PLPP1: variants seen among roughly 807,000 people sequenced by gnomAD.
PLPP1 encodes the protein lipid phosphate phosphohydrolase 1a.
Under a neutral mutation model 31.2 loss-of-function variants are expected in PLPP1, and 24 were observed. The observed-to-expected ratio is 0.77, with a 90% confidence interval of 0.56 to 1.08. The LOEUF is 1.08. PLPP1 is among the 50% of genes least tolerant of loss of function. The pLI is 0.00. For missense variants in PLPP1, 319 were observed against 342.7 expected (o/e 0.93, Z 0.55); for synonymous variants, 146 against 126.3 (o/e 1.16, Z -1.05).
At chr5:55,447,391 T>TC (rs111594290) in intron 3 of PLPP1, among the ~76,000 whole-genome samples, 4 of 152,308 alleles carry the variant, frequency 2.6e-5, no homozygotes, top group African/African-American at 9.6e-5. Context: ...ATTTCCTTTT[T>TC]CCCCTAAAAA....
Position 55,490,697 on chromosome 5 carries a change from A to C in PLPP1, c.59-15247T>G, listed in dbSNP as rs533194755. On this transcript the variant is annotated intron_variant, in intron 1 of 5. Transcript: ENST00000307259. ...TTTGTTTACTGAGAGGAGTTGATCCAAATGACTCAAAAAGACTCTCCTATT... is the reference window on the plus strand; with the variant it reads ...TTTGTTTACTGAGAGGAGTTGATCCCAATGACTCAAAAAGACTCTCCTATT... Among the ~76,000 whole-genome samples, 5 of 152,268 alleles carry C rather than the reference A, an allele frequency of 3.3e-5. No individual in the cohort carries two copies. In the East Asian group the frequency reaches 9.6e-4, roughly 29 times the overall value.
At chr5:55,506,750 T>C (rs1222038683) in intron 1 of PLPP1, among the ~76,000 whole-genome samples, 1 of 152,200 alleles carries the variant, frequency 6.6e-6, no homozygotes, top group Non-Finnish European at 1.5e-5. Context: ...TACATGTATA[T>C]TTGGATCTGA....
At chr5:55,443,177 T>TAAAAAAAAAAAAAAAAAA (rs1178247543) in intron 3 of PLPP1, among the ~76,000 whole-genome samples, 1 of 51,034 alleles carries the variant, frequency 2.0e-5, no homozygotes, top group Non-Finnish European at 3.5e-5. Flanking sequence ...AAGGATTACT[T>TAAAAAAAAAAAAAAAAAA]AAAAAAAAAA....
intron 3 of PLPP1, among the ~76,000 whole-genome samples, chr5:55,460,702 C>T (rs1489373069): frequency 6.6e-6 from 1 of 152,026 alleles, no homozygotes; most frequent in African/African-American, 2.4e-5. Flanking sequence ...AAAGATTATT[C>T]GAGCCTGAAG....
chr5:55,449,705 C>T (rs1430728135), intron 3 of PLPP1, among the ~76,000 whole-genome samples: 1 of 152,106 alleles, frequency 6.6e-6, no homozygotes, highest in African/African-American at 2.4e-5. Flanking sequence ...CAACATGAGG[C>T]ATTTTCTTCA....
intron 4 of PLPP1, among the ~76,000 whole-genome samples, chr5:55,438,101 A>C (rs559843374): frequency 2.6e-5 from 4 of 152,322 alleles, no homozygotes; most frequent in African/African-American, 9.6e-5. Context: ...TGATATAAAC[A>C]ATCTGGGGTT....
At chr5:55,477,774 G>T (rs1168306009) in intron 1 of PLPP1, among the ~76,000 whole-genome samples, 2 of 152,052 alleles carry the variant, frequency 1.3e-5, no homozygotes, top group Non-Finnish European at 2.9e-5. Context: ...TGAATTGGTT[G>T]CATTTTCCAA....
At chr5:55,530,580 C>G (rs12513672) in intron 1 of PLPP1, 1,110,492 of 1,317,456 alleles carry the variant, frequency 0.84, 471,500 homozygotes, top group Non-Finnish European at 0.87. Context: ...ATACTTCTTA[C>G]AAGATTTGCA....
chr5:55,527,834 T>C (rs1263754538), intron 1 of PLPP1, among the ~76,000 whole-genome samples: 2 of 91,016 alleles, frequency 2.2e-5, no homozygotes, highest in African/African-American at 3.3e-5. Context: ...TGAATACAAG[T>C]TGTGAACTAC....
At chr5:55,459,952 T>A (rs1008752863) in intron 3 of PLPP1, among the ~76,000 whole-genome samples, 29 of 152,192 alleles carry the variant, frequency 1.9e-4, no homozygotes, top group African/African-American at 6.8e-4. Context: ...ATTTTTGTCT[T>A]CATTATGGTT....
chr5:55,507,997 T>C (rs1753320464), intron 1 of PLPP1, among the ~76,000 whole-genome samples: 1 of 152,058 alleles, frequency 6.6e-6, no homozygotes, highest in Admixed American at 6.6e-5. Flanking sequence ...ACCTGAGATT[T>C]CAGGCATGTG....
intron 1 of PLPP1, among the ~76,000 whole-genome samples, chr5:55,529,813 ATAAAG>A (rs1310710284): frequency 6.6e-6 from 1 of 152,212 alleles, no homozygotes; most frequent in Non-Finnish European, 1.5e-5. Flanking sequence ...GTGTACAATA[ATAAAG>A]TAAATGGGAG....
intron 3 of PLPP1, among the ~76,000 whole-genome samples, chr5:55,444,404 T>C (rs763230218): frequency 1.3e-5 from 2 of 152,200 alleles, no homozygotes; most frequent in Middle Eastern, 3.4e-3. Flanking sequence ...GTTTTCATCA[T>C]AGTGACTTCA....
At chr5:55,457,047 C>T (rs919131637) in intron 3 of PLPP1, among the ~76,000 whole-genome samples, 3 of 151,884 alleles carry the variant, frequency 2.0e-5, no homozygotes, top group African/African-American at 7.3e-5. Context: ...GTAATCCTAG[C>T]TACTCTGCAG....
intron 1 of PLPP1, among the ~76,000 whole-genome samples, chr5:55,499,010 T>C (rs966453531): frequency 1.1e-4 from 17 of 152,184 alleles, no homozygotes; most frequent in African/African-American, 3.9e-4. Context: ...AGAAAAGAAG[T>C]TGAGGCCCCA....
At chr5:55,512,507 AAAAGAAAAG>A (rs1217775333) in intron 1 of PLPP1, among the ~76,000 whole-genome samples, 13 of 13,626 alleles carry the variant, frequency 9.5e-4, no homozygotes, top group African/African-American at 1.4e-3. Context: ...AAAAGAAAAG[AAAAGAAAAG>A]AAAGAAAGAA....
rs139907922 is a variant in PLPP1 at position 55,425,695 on chromosome 5, C to G, written c.726+168G>C. ...ACTACTAAGTTTTAGAAAGAGCAAC[C>G]TAGTTTTTAACCTGGTGTGTATCCT... is the stretch of plus-strand genomic sequence containing the variant. On this transcript the variant is annotated intron_variant, in intron 5 of 5. Coordinates refer to ENST00000307259, the MANE Select transcript of PLPP1 (RefSeq NM_003711.4). 525 of 564,838 alleles carry G rather than the reference C, an allele frequency of 9.3e-4. 3 individuals carry two copies. The highest frequency in any genetic ancestry group is 9.0e-3 in the African/African-American group (463 of 51,340). 35.0% of individuals were successfully genotyped at this position (564,838 alleles called of 1,614,324 possible).
rs572969124 is a variant in PLPP1, at chr5:55,500,370, C to T, written c.59-24920G>A. On this transcript the variant is annotated intron_variant, in intron 1 of 5. Transcript: ENST00000307259. Reference sequence around the variant, plus strand: ...TTGGGATTACAGGCGTGAGCCACCACGCCTGGCCTAAAATTATTTATGTTT... The same window carrying T: ...TTGGGATTACAGGCGTGAGCCACCATGCCTGGCCTAAAATTATTTATGTTT... 4.6e-5 allele frequency among the ~76,000 whole-genome samples: 7 copies of T among 152,176 alleles called. No individual in the cohort carries two copies. The South Asian group carries it at 6.2e-4, about 14-fold the overall frequency.
chr5:55,440,677 G>C (rs967386877), intron 4 of PLPP1, among the ~76,000 whole-genome samples: 1 of 152,164 alleles, frequency 6.6e-6, no homozygotes, highest in African/African-American at 2.4e-5. Context: ...TTCTGACTTT[G>C]AATTTTATAT....
Sources: gnomAD v4.1 joint callset for allele counts (sites outside exome capture counted in the v4.1 genomes callset) on GRCh38, gnomAD v4.1.1 for gene constraint, MANE v1.5 for transcripts, NCBI Gene and HGNC (gene_info 2026-07-23, HGNC 2026-07-21) for gene names.